ITPK1: variants seen among roughly 807,000 people sequenced by gnomAD.
ITPK1 encodes the protein inositol-tetrakisphosphate 1-kinase, also known as inositol 1,3,4-trisphosphate 5/6-kinase.
In ITPK1, 21 loss-of-function variants were observed where a neutral mutation model predicts 45.3. That is an observed-to-expected ratio of 0.46 (90% CI 0.33 to 0.67). ITPK1 has a LOEUF of 0.67. ITPK1 is among the 30% of genes least tolerant of loss of function. The pLI is 0.02. For synonymous variants in ITPK1, 258 were observed against 253.6 expected (o/e 1.02, Z -0.16); for missense variants, 474 against 573.5 (o/e 0.83, Z 1.77).
In ITPK1 at chr14:92,937,601, C is replaced by T. The variant is rs1887181795; in HGVS notation, c.*3960G>A. ...CTGAGCAGTGCGGGAGGCTCACTCA[C>T]TCCAAACCACACTGACAATGGCTGT... is the stretch of plus-strand genomic sequence containing the variant. On this transcript the variant is annotated 3_prime_UTR_variant, in exon 11 of 11. Transcript: ENST00000267615. 2 of 152,364 alleles carry T rather than the reference C, an allele frequency of 1.3e-5. No homozygotes were observed. The highest frequency in any genetic ancestry group is 2.9e-5 in the Non-Finnish European group (2 of 68,132). 9.4% of individuals were successfully genotyped at this position (152,364 alleles called of 1,614,324 possible).
At chr14:93,067,773 A>G (rs1165225855) in intron 3 of ITPK1, 1 of 152,858 alleles carries the variant, frequency 6.5e-6, no homozygotes, top group African/African-American at 2.4e-5. Flanking sequence ...CATCATTATT[A>G]AAAAACACTA....
chr14:92,956,001 G>C (rs1388919696), intron 8 of ITPK1, among the ~76,000 whole-genome samples: 2 of 152,200 alleles, frequency 1.3e-5, no homozygotes, highest in African/African-American at 4.8e-5. Flanking sequence ...CTAGAGATGG[G>C]GACACAGAAT....
rs533280817 is a variant in ITPK1 at position 92,966,841 on chromosome 14, C to T, written c.365-3992G>A. On this transcript the variant is annotated intron_variant, in intron 5 of 10. Coordinates refer to ENST00000267615, the MANE Select transcript of ITPK1 (RefSeq NM_014216.6). ...AAGGGTGCCAAGACAATTCAAGGGG[C>T]GGAAAGAATATTCGTTTCAACAAAT... is the stretch of plus-strand genomic sequence containing the variant. Among the ~76,000 whole-genome samples the T allele has an allele frequency of 9.9e-4, 150 of 152,266 alleles. 1 individual carries two copies. In the Middle Eastern group the frequency reaches 0.02, roughly 21 times the overall value.
intron 3 of ITPK1, among the ~76,000 whole-genome samples, chr14:93,043,471 TG>T (rs2139915349): frequency 6.6e-6 from 1 of 152,336 alleles, no homozygotes; most frequent in East Asian, 1.9e-4. Context: ...CTCTTTCCTT[TG>T]GGGCTACTTC....
chr14:93,102,155 G>A (rs1437189125), intron 2 of ITPK1, among the ~76,000 whole-genome samples: 1 of 152,234 alleles, frequency 6.6e-6, no homozygotes, highest in Admixed American at 6.5e-5. Flanking sequence ...CACCAGGAGG[G>A]CTCCTCCTGA....
At chr14:93,038,434 G>T (rs1333698216) in intron 3 of ITPK1, among the ~76,000 whole-genome samples, 1 of 152,028 alleles carries the variant, frequency 6.6e-6, no homozygotes, top group African/African-American at 2.4e-5. Flanking sequence ...GTTTCTAATT[G>T]TACAATTATA....
chr14:93,044,820 C>G (rs577304209), intron 3 of ITPK1, among the ~76,000 whole-genome samples: 55 of 152,250 alleles, frequency 3.6e-4, no homozygotes, highest in South Asian at 6.2e-4. Flanking sequence ...CAAGAAAAAC[C>G]CGACACCGTG....
intron 3 of ITPK1, among the ~76,000 whole-genome samples, chr14:93,053,770 C>T (rs1890116552): frequency 6.6e-6 from 1 of 152,182 alleles, no homozygotes; most frequent in African/African-American, 2.4e-5. Context: ...TCTGCACCTT[C>T]CTCTCAATTT....
At chr14:92,988,292 C>T (rs967062885) in intron 5 of ITPK1, among the ~76,000 whole-genome samples, 22 of 152,188 alleles carry the variant, frequency 1.4e-4, no homozygotes, top group African/African-American at 4.8e-4. Context: ...ACCAAGGGGT[C>T]GCTCTGCCCG....
At chr14:92,969,079 A>G (rs1030956509) in intron 5 of ITPK1, among the ~76,000 whole-genome samples, 6 of 152,120 alleles carry the variant, frequency 3.9e-5, no homozygotes, top group Admixed American at 3.3e-4. Flanking sequence ...ATCCCGACAC[A>G]CCCATGAAGT....
At chr14:92,975,650 T>C (rs1459767847) in intron 5 of ITPK1, among the ~76,000 whole-genome samples, 1 of 152,188 alleles carries the variant, frequency 6.6e-6, no homozygotes, top group African/African-American at 2.4e-5. Flanking sequence ...GTGGAGCCTG[T>C]CCAATCAGTC....
At chr14:92,968,210 A>T (rs549840718) in intron 5 of ITPK1, among the ~76,000 whole-genome samples, 1 of 152,178 alleles carries the variant, frequency 6.6e-6, no homozygotes, top group Admixed American at 6.5e-5. Flanking sequence ...CATGTCTGTA[A>T]TCCCAGCGAC....
At chr14:93,077,534 T>C (rs1891274656) in intron 2 of ITPK1, among the ~76,000 whole-genome samples, 1 of 152,034 alleles carries the variant, frequency 6.6e-6, no homozygotes, top group Non-Finnish European at 1.5e-5. Context: ...GCCAGGCTGG[T>C]CTCAAACTCC....
chr14:93,031,917 G>T (rs1379737065), intron 3 of ITPK1, among the ~76,000 whole-genome samples: 1 of 152,192 alleles, frequency 6.6e-6, no homozygotes, highest in Admixed American at 6.5e-5. Context: ...AATAAGGAGG[G>T]AAACTCTGAC....
Position 93,016,609 on chromosome 14 carries a change from C to A in ITPK1, c.246+67G>T, listed in dbSNP as rs942620056. On this transcript the variant is annotated intron_variant, in intron 4 of 10. Transcript: ENST00000267615. This position sits in a 1 kb window ranked among gnomAD's most constrained non-coding sequence, Gnocchi z 5.0. The stretch of plus-strand genomic sequence containing the variant: ...GCTACCGCCCTAAATACACACACGG[C>A]CATTCCAGGGCCTCCCCTCCTCCTC... The A allele has an allele frequency of 6.4e-7, 1 of 1,570,416 alleles. No homozygotes were observed. Among genetic ancestry groups the A allele is most frequent in the Non-Finnish European group, 8.7e-7 (1 of 1,147,158 alleles).
chr14:93,009,581 T>C (rs1000287738), intron 4 of ITPK1, among the ~76,000 whole-genome samples: 2 of 152,208 alleles, frequency 1.3e-5, no homozygotes, highest in Non-Finnish European at 2.9e-5. Context: ...GGCCTGGCAT[T>C]GGTGCACAAT....
intron 2 of ITPK1, among the ~76,000 whole-genome samples, chr14:93,098,185 G>C (rs535764593): frequency 1.3e-5 from 2 of 151,706 alleles, no homozygotes; most frequent in African/African-American, 2.4e-5. Context: ...GGCCGGGTGC[G>C]GTGGTTCATG....
At chr14:93,066,656 G>A (rs374239178) in intron 3 of ITPK1, among the ~76,000 whole-genome samples, 3 of 151,924 alleles carry the variant, frequency 2.0e-5, no homozygotes, top group Admixed American at 6.6e-5. Context: ...CACCCGCCTC[G>A]GCCTCCCAAA....
At chr14:93,095,943 C>T (rs1175824532) in intron 2 of ITPK1, among the ~76,000 whole-genome samples, 3 of 152,168 alleles carry the variant, frequency 2.0e-5, no homozygotes, top group African/African-American at 4.8e-5. Flanking sequence ...TTTTTCATGG[C>T]TGAGTAGTAT....
Sources: allele counts gnomAD v4.1 joint callset (sites outside exome capture counted in the v4.1 genomes callset), GRCh38; gene constraint gnomAD v4.1.1; non-coding constraint Gnocchi (gnomAD v3.1); transcripts MANE v1.5; gene names NCBI Gene and HGNC (gene_info 2026-07-23, HGNC 2026-07-21).